DIP2C: variants seen among roughly 807,000 people sequenced by gnomAD.
The protein encoded by DIP2C is disco-interacting protein 2 homolog C.
DIP2C carries 33 observed loss-of-function variants against 192.4 expected under a neutral mutation model. The observed-to-expected ratio is 0.17, with a 90% CI of 0.13 to 0.23. The LOEUF (loss-of-function observed/expected upper bound fraction) is 0.23. Ranked by LOEUF, DIP2C falls within the 10% of genes least tolerant of loss-of-function variation. DIP2C has a pLI of 1.00. For missense variants in DIP2C, 1,537 were observed against 2,110.1 expected (o/e 0.73, Z 5.32); for synonymous variants, 979 against 864.1 (o/e 1.13, Z -2.33).
intron 1 of DIP2C, among the ~76,000 whole-genome samples, chr10:538,911 A>G (rs1468901790): frequency 1.3e-5 from 2 of 152,252 alleles, no homozygotes; most frequent in Non-Finnish European, 2.9e-5. Flanking sequence ...TTCTGTGTTC[A>G]TGAATCTGCT....
At chr10:409,387 G>T (rs1017608802) in intron 8 of DIP2C, among the ~76,000 whole-genome samples, 1 of 152,152 alleles carries the variant, frequency 6.6e-6, no homozygotes, top group South Asian at 2.1e-4. Context: ...CACCATCAGG[G>T]AGCGGGAGGG....
At chr10:569,587 TG>T (rs1371089281) in intron 1 of DIP2C, among the ~76,000 whole-genome samples, 2 of 150,616 alleles carry the variant, frequency 1.3e-5, no homozygotes, top group East Asian at 4.0e-4. Context: ...GATACTCATT[TG>T]TTTTATATTC....
At chr10:479,708 A>G (rs1317856453) in intron 2 of DIP2C, among the ~76,000 whole-genome samples, 1 of 152,168 alleles carries the variant, frequency 6.6e-6, no homozygotes, top group Non-Finnish European at 1.5e-5. Flanking sequence ...TTTGCTTAGC[A>G]ACCCTTTTCC....
rs1554896881 is a variant in DIP2C, at chr10:545,166, C to CCTTTTTTTTTTTTTTTTTT, written c.86-58637_86-58636insAAAAAAAAAAAAAAAAAAG. ...TGATCCAACATGACTGGTGTTTTCC[C>CCTTTTTTTTTTTTTTTTTT]TTTTTTTTTTTTTTTTTTTTTTTGA... is the stretch of plus-strand genomic sequence containing the variant. On this transcript the variant is annotated intron_variant, in intron 1 of 36. Coordinates refer to ENST00000280886, the MANE Select transcript of DIP2C (RefSeq NM_014974.3). Among the ~76,000 whole-genome samples the CCTTTTTTTTTTTTTTTTTT allele has an allele frequency of 1.4e-4, 12 of 86,340 alleles. 1 individual carries two copies. Among genetic ancestry groups the CCTTTTTTTTTTTTTTTTTT allele is most frequent in the East Asian group, 3.0e-4 (1 of 3,334 alleles). 56.6% of individuals were successfully genotyped at this position (86,340 alleles called of 152,430 possible).
At chr10:662,164 G>A (rs1856799689) in intron 1 of DIP2C, 2 of 715,996 alleles carry the variant, frequency 2.8e-6, no homozygotes, top group Non-Finnish European at 5.2e-6. Context: ...TCTGCCCTCA[G>A]ATAGGCACAT....
chr10:352,363 C>A (rs1417203230), intron 24 of DIP2C, among the ~76,000 whole-genome samples: 1 of 152,226 alleles, frequency 6.6e-6, no homozygotes, highest in African/African-American at 2.4e-5. Flanking sequence ...TCTTTGATAA[C>A]CCTGTGAAAC....
At chr10:342,679 T>A (rs2132570449) in intron 28 of DIP2C, among the ~76,000 whole-genome samples, 1 of 152,222 alleles carries the variant, frequency 6.6e-6, no homozygotes, top group Non-Finnish European at 1.5e-5. Context: ...GCCTGTGACA[T>A]AAGTTAGAGC....
At chr10:497,125 G>A (rs560268174) in intron 1 of DIP2C, among the ~76,000 whole-genome samples, 76 of 151,756 alleles carry the variant, frequency 5.0e-4, no homozygotes, top group Non-Finnish European at 9.1e-4. Context: ...ACTCCACCTC[G>A]AAATCAATCA....
chr10:284,277 G>C (rs1954984137), intron 34 of DIP2C, among the ~76,000 whole-genome samples: 1 of 152,152 alleles, frequency 6.6e-6, no homozygotes, highest in Non-Finnish European at 1.5e-5. Flanking sequence ...CTCACATATG[G>C]CAGGCACTCA....
At chr10:517,907 G>A (rs1360925947) in intron 1 of DIP2C, among the ~76,000 whole-genome samples, 3 of 152,144 alleles carry the variant, frequency 2.0e-5, no homozygotes, top group Admixed American at 6.5e-5. Flanking sequence ...CCTCTTCTGT[G>A]CAGTTTCACC....
At chr10:340,859 G>A (rs1264855535) in intron 29 of DIP2C, 1 of 467,332 alleles carries the variant, frequency 2.1e-6, no homozygotes, top group Non-Finnish European at 4.3e-6. Context: ...ATGCCTGCTG[G>A]CCCAGCGAGA....
intron 8 of DIP2C, among the ~76,000 whole-genome samples, chr10:409,333 C>T (rs894062891): frequency 4.6e-5 from 7 of 152,172 alleles, no homozygotes; most frequent in South Asian, 2.1e-4. Context: ...GCGGACAGTG[C>T]ACACACCGTC....
chr10:650,892 G>A, intron 1 of DIP2C: 2 of 717,512 alleles, frequency 2.8e-6, no homozygotes, highest in East Asian at 5.4e-5. Flanking sequence ...GGATTCGTGG[G>A]CCTCACGGGG....
chr10:347,552 T>C (rs1480573964), intron 26 of DIP2C, among the ~76,000 whole-genome samples: 4 of 124,394 alleles, frequency 3.2e-5, no homozygotes, highest in African/African-American at 6.2e-5. Context: ...ACATCGCGCA[T>C]AGCTCTCCCG....
chr10:293,939 C>T (rs1229601089), intron 32 of DIP2C, among the ~76,000 whole-genome samples: 3 of 152,124 alleles, frequency 2.0e-5, no homozygotes, highest in Non-Finnish European at 4.4e-5. Flanking sequence ...AAACAGATAC[C>T]AATCACCCAA....
Position 689,453 on chromosome 10 carries a change from C to A in DIP2C, c.85+41G>T. ...CCAGCCCTCCGCGCGCGGCCCTCCC[C>A]GGTGACAGCGCGGCCCGGCCCGGGG... On this transcript the variant is annotated intron_variant, in intron 1 of 36. Transcript: ENST00000280886. This position sits in a 1 kb window ranked among gnomAD's most constrained non-coding sequence, Gnocchi z 6.1. 9.2e-7 allele frequency: 1 copy of A among 1,091,834 alleles called. No individual in the cohort carries two copies. The highest frequency in any genetic ancestry group is 1.1e-6 in the Non-Finnish European group (1 of 895,776). The allele number at this position is 1,091,834 out of a possible 1,614,324, so 67.6% of individuals were successfully genotyped here.
At position 288,354 on chromosome 10, in the gene DIP2C, T is replaced by A; in HGVS notation, c.4044+10A>T. ...ATACAGAAATGCGTGCCTCTTCCTA[T>A]AATACTTACCTTTCCCGATTCCATC... On this transcript the variant is annotated intron_variant, in intron 33 of 36. Coordinates refer to ENST00000280886, the MANE Select transcript of DIP2C (RefSeq NM_014974.3). 6.2e-7 allele frequency: 1 copy of A among 1,613,688 alleles called. No individual in the cohort carries two copies. The highest frequency in any genetic ancestry group is 2.2e-5 in the East Asian group (1 of 44,876).
chr10:443,241 A>G (rs1967892210), intron 3 of DIP2C, among the ~76,000 whole-genome samples: 1 of 152,136 alleles, frequency 6.6e-6, no homozygotes, highest in South Asian at 2.1e-4. Flanking sequence ...TCCACTGATG[A>G]TTTCCTGCCA....
At position 512,922 on chromosome 10, in the gene DIP2C, GAA is replaced by G. The variant is rs60269783; in HGVS notation, c.86-26394_86-26393del. ...TGACAACAGCGAGACCCCACTTCAG[GAA>G]AAAAAAAAAAAAAAAAAAAAGGGAG... On this transcript the variant is annotated intron_variant, in intron 1 of 36. Coordinates refer to ENST00000280886, the MANE Select transcript of DIP2C (RefSeq NM_014974.3). Among the ~76,000 whole-genome samples, 359 of 92,176 alleles carry G rather than the reference GAA, an allele frequency of 3.9e-3. 6 individuals are homozygous for G. The highest frequency in any genetic ancestry group is 0.012 in the African/African-American group (273 of 22,944). 60.5% of individuals were successfully genotyped at this position (92,176 alleles called of 152,430 possible). A position where few individuals can be genotyped will look rare whatever the true frequency, so the allele number is the denominator to read the frequency against.
Sources: gnomAD v4.1 joint callset for allele counts (sites outside exome capture counted in the v4.1 genomes callset) on GRCh38, gnomAD v4.1.1 for gene constraint, Gnocchi (gnomAD v3.1) non-coding constraint, MANE v1.5 for transcripts, NCBI Gene and HGNC (gene_info 2026-07-23, HGNC 2026-07-21) for gene names.